The following IFT122 variants were observed in gnomAD, a reference collection of about 807,000 sequenced individuals.
IFT122 encodes the protein intraflagellar transport protein 122 homolog.
IFT122 carries 118 observed loss-of-function variants against 161.6 expected under a neutral mutation model. The ratio of observed to expected loss-of-function variants is 0.73; its 90% CI spans 0.63 to 0.85. The LOEUF (loss-of-function observed/expected upper bound fraction) is 0.85, where lower values mean the gene tolerates loss of function less well. IFT122 is among the 40% of genes least tolerant of loss of function. The probability of loss-of-function intolerance (pLI) is 0.00; values close to 1 mark genes in which losing one functional copy is unlikely to be tolerated. For synonymous variants in IFT122, 550 were observed against 602.4 expected (o/e 0.91, Z 1.27); for missense variants, 1,381 against 1,579.6 (o/e 0.87, Z 2.13).
intron 27 of IFT122, among the ~76,000 whole-genome samples, chr3:129,518,290 C>T (rs1164428579): frequency 6.6e-6 from 1 of 152,246 alleles, no homozygotes; most frequent in Admixed American, 6.5e-5. Flanking sequence ...CAGGAGGATG[C>T]ACCAGGGCAG....
Position 129,476,670 on chromosome 3 carries a change from G to T in IFT122, c.1016G>T (p.Gly339Val). 6.2e-7 allele frequency: 1 copy of T among 1,614,170 alleles called. No individual in the cohort carries two copies. Among genetic ancestry groups the T allele is most frequent in the African/African-American group, 1.3e-5 (1 of 75,040 alleles). The change falls in exon 11 of 30, where the codon GGC (glycine) becomes GTC (valine). Residue 339 changes from glycine to valine, a missense_variant. Around this residue, in one of 7 missense-constraint regions of IFT122, gnomAD observed 544 missense variants for 648.0 expected, o/e 0.84. Coordinates refer to ENST00000348417, the MANE Select transcript of IFT122 (RefSeq NM_052989.3). The stretch of plus-strand genomic sequence containing the variant: ...AGTTCTCTCACCCCGCAGGTGGTCG[G>T]CTGCCAGGACGGCACCATTTCCTTC... ...AKPDSNYVVV[G>V]CQDGTISFYQ...
At chr3:129,443,896 A>G (rs2073607088) in intron 1 of IFT122, among the ~76,000 whole-genome samples, 1 of 152,240 alleles carries the variant, frequency 6.6e-6, no homozygotes, top group Non-Finnish European at 1.5e-5. Flanking sequence ...ACATTCAGAA[A>G]TGATTTTGTG....
chr3:129,497,946 T>C (rs1439563683), intron 18 of IFT122, among the ~76,000 whole-genome samples: 2 of 152,254 alleles, frequency 1.3e-5, no homozygotes, highest in Non-Finnish European at 1.5e-5. Context: ...CATGTTTATA[T>C]GGTGATAAAG....
chr3:129,501,217 C>G (rs2081502776), intron 19 of IFT122, among the ~76,000 whole-genome samples: 1 of 152,128 alleles, frequency 6.6e-6, no homozygotes, highest in Non-Finnish European at 1.5e-5. Flanking sequence ...CACACGTGCA[C>G]ATGCTGCTGC....
chr3:129,473,998 G>A (rs917503914), intron 9 of IFT122, among the ~76,000 whole-genome samples: 2 of 152,206 alleles, frequency 1.3e-5, no homozygotes, highest in East Asian at 1.9e-4. Flanking sequence ...CTTCCATGTC[G>A]TGATTCATAA....
chr3:129,480,064 G>A, intron 13 of IFT122, 142 bp downstream of exon 13: 1 of 1,104,978 alleles, frequency 9.0e-7, no homozygotes, highest in South Asian at 1.3e-5. Flanking sequence ...GGCAGCCTGA[G>A]TTCAGTTTTT....
intron 29 of IFT122, 126 bp downstream of exon 29, chr3:129,519,858 G>T: frequency 8.6e-7 from 1 of 1,158,986 alleles, no homozygotes. Flanking sequence ...TGGGACAGAG[G>T]CTTGTCTGTC....
chr3:129,515,385 C>G (rs1167374917), intron 25 of IFT122, 103 bp from the exon 26 acceptor site: 1 of 981,830 alleles, frequency 1.0e-6, no homozygotes, highest in Non-Finnish European at 1.6e-6. Flanking sequence ...CCCGGGTGGC[C>G]TTTCCTCTTG....
At chr3:129,449,089 G>A (rs1228916650) in intron 1 of IFT122, among the ~76,000 whole-genome samples, 1 of 152,152 alleles carries the variant, frequency 6.6e-6, no homozygotes, top group African/African-American at 2.4e-5. Flanking sequence ...TATTAAAAGG[G>A]AAGTTCTGCC....
Position 129,463,553 on chromosome 3 carries a change from A to G in IFT122, c.350-7A>G. ...TCCATCTTCTTTTATATTATTGTGC[A>G]TTGAAGGGTTGTGGTCTCCTGAACA... On this transcript the variant is annotated splice_region_variant and splice_polypyrimidine_tract_variant and intron_variant, in intron 5 of 29. Coordinates refer to ENST00000348417, the MANE Select transcript of IFT122 (RefSeq NM_052989.3). 6.2e-7 allele frequency: 1 copy of G among 1,612,658 alleles called. No individual in the cohort carries two copies. Among genetic ancestry groups the G allele is most frequent in the Non-Finnish European group, 8.5e-7 (1 of 1,178,836 alleles).
chr3:129,494,256 G>A (rs1337471559), intron 17 of IFT122, among the ~76,000 whole-genome samples: 1 of 151,426 alleles, frequency 6.6e-6, no homozygotes, highest in African/African-American at 2.4e-5. Context: ...ATATTGACCA[G>A]GCTGGCCTAC....
intron 3 of IFT122, chr3:129,458,141 C>T: frequency 5.9e-6 from 1 of 169,640 alleles, no homozygotes; most frequent in East Asian, 1.5e-4. Flanking sequence ...TATAAAATAC[C>T]ACATTGTACT....
Position 129,459,684 on chromosome 3 carries a change from TCTTCCTTCCTTCCTTC to T in IFT122, c.272+1037_272+1052del, listed in dbSNP as rs546625729. On this transcript the variant is annotated intron_variant, in intron 4 of 29. Coordinates refer to ENST00000348417, the MANE Select transcript of IFT122 (RefSeq NM_052989.3). ...TCCTTCCTTCCCTCCCTCCCTCCCTTCTTCCTTCCTTCCTTCCTTCCTTCCTTCCTTCCTTCCTTCC... is the reference window on the plus strand; with the variant it reads ...TCCTTCCTTCCCTCCCTCCCTCCCTTCTTCCTTCCTTCCTTCCTTCCTTCC... Among the ~76,000 whole-genome samples the T allele has an allele frequency of 6.0e-3, 237 of 39,762 alleles. 5 individuals are homozygous for T. The highest frequency in any genetic ancestry group is 0.028 in the Middle Eastern group (1 of 36). The allele number at this position is 39,762 out of a possible 152,430, so 26.1% of individuals were successfully genotyped here. A position where few individuals can be genotyped will look rare whatever the true frequency, so the allele number is the denominator to read the frequency against.
intron 16 of IFT122, among the ~76,000 whole-genome samples, chr3:129,490,934 G>T (rs1577823704): frequency 6.6e-6 from 1 of 152,162 alleles, no homozygotes. Context: ...TCCCACCCCT[G>T]CTCATGCTCA....
chr3:129,456,218 C>T, intron 3 of IFT122: 5 of 1,286,104 alleles, frequency 3.9e-6, no homozygotes, highest in Non-Finnish European at 5.1e-6. Flanking sequence ...TGCTTTTCAT[C>T]ACCATCACCT....
intron 15 of IFT122, 177 bp downstream of exon 15, chr3:129,483,859 T>C (rs1245695245): frequency 1.7e-5 from 12 of 694,632 alleles, no homozygotes; most frequent in Non-Finnish European, 3.1e-5. Context: ...CCTTGCAACC[T>C]GTGTGACTGG....
At chr3:129,487,915 G>C in intron 15 of IFT122, 1 of 388,466 alleles carries the variant, frequency 2.6e-6, no homozygotes, top group Non-Finnish European at 5.0e-6. Flanking sequence ...ACAGGGCCTT[G>C]AAAGCCAAAT....
chr3:129,481,766 C>T lies in IFT122; in HGVS notation c.1653+72C>T. 6 of 1,531,342 alleles carry T rather than the reference C, an allele frequency of 3.9e-6. No individual in the cohort carries two copies. In the South Asian group the frequency reaches 5.6e-5, roughly 14 times the overall value. 94.9% of individuals were successfully genotyped at this position (1,531,342 alleles called of 1,614,324 possible). ...CTCTCCTCTAGCTTCCCAGTCCCTG[C>T]AGGAGGCTCTCCTGCTCTGGCCCAG... On this transcript the variant is annotated intron_variant, in intron 14 of 29. Coordinates refer to ENST00000348417, the MANE Select transcript of IFT122 (RefSeq NM_052989.3).
chr3:129,457,253 T>C (rs1021528001), intron 3 of IFT122, among the ~76,000 whole-genome samples: 13 of 152,260 alleles, frequency 8.5e-5, no homozygotes, highest in Non-Finnish European at 1.8e-4. Context: ...CTCTCCAGTC[T>C]GTTCCTTCAT....
Sources: gnomAD v4.1 joint callset for allele counts (sites outside exome capture counted in the v4.1 genomes callset) on GRCh38, gnomAD v4.1.1 for gene constraint, gnomAD v4.1.1 regional missense constraint, MANE v1.5 for transcripts, NCBI Gene and HGNC (gene_info 2026-07-23, HGNC 2026-07-21) for gene names.